MIA2: variants seen among roughly 807,000 people sequenced by gnomAD.
MIA2 encodes the protein MIA SH3 domain ER export factor 2.
A neutral mutation model predicts 167.8 loss-of-function variants in MIA2; 127 were observed. The observed-to-expected ratio is 0.76, with a 90% CI of 0.66 to 0.88. The LOEUF (loss-of-function observed/expected upper bound fraction) is 0.88. Among genes scored for constraint, MIA2 ranks in the 40% least tolerant of loss-of-function variants. The pLI, the probability that MIA2 is intolerant of heterozygous loss-of-function variation, is 0.00. For missense variants in MIA2, 1,690 were observed against 1,624.7 expected (o/e 1.04, Z -0.69); for synonymous variants, 552 against 541.9 (o/e 1.02, Z -0.26).
At chr14:39,269,840 G>GA (rs1218784644) in intron 6 of MIA2, among the ~76,000 whole-genome samples, 1 of 152,034 alleles carries the variant, frequency 6.6e-6, no homozygotes, top group Non-Finnish European at 1.5e-5. Context: ...TTTTTATGGT[G>GA]AAAAAATATT....
intron 22 of MIA2, among the ~76,000 whole-genome samples, chr14:39,318,303 G>C (rs1237923518): frequency 6.6e-6 from 1 of 152,016 alleles, no homozygotes; most frequent in African/African-American, 2.4e-5. Context: ...GGAAAGAGAA[G>C]GGGTGAATCT....
At chr14:39,367,767 CTCG>C (rs1461493355) in intron 23 of MIA2, among the ~76,000 whole-genome samples, 1 of 152,182 alleles carries the variant, frequency 6.6e-6, no homozygotes, top group Non-Finnish European at 1.5e-5. Flanking sequence ...TCAGATGCCT[CTCG>C]TCTGCTGTCT....
At chr14:39,238,190 A>T (rs9806038) in intron 2 of MIA2, among the ~76,000 whole-genome samples, 85,497 of 149,594 alleles carry the variant, frequency 0.57, 25,278 homozygotes, top group East Asian at 0.74. Flanking sequence ...TTTTTTTTTT[A>T]TTGAGACAGA....
chr14:39,273,691 A>C (rs1466476053), intron 6 of MIA2, among the ~76,000 whole-genome samples: 1 of 152,054 alleles, frequency 6.6e-6, no homozygotes, highest in Admixed American at 6.6e-5. Context: ...CCACTTGGTC[A>C]TGGTACATAA....
At chr14:39,263,935 C>T (rs2055282423) in intron 6 of MIA2, among the ~76,000 whole-genome samples, 1 of 151,974 alleles carries the variant, frequency 6.6e-6, no homozygotes, top group African/African-American at 2.4e-5. Flanking sequence ...ACGCCCAGCC[C>T]TTCCTTTCTT....
At chr14:39,270,424 C>G (rs2056935512) in intron 6 of MIA2, among the ~76,000 whole-genome samples, 1 of 152,004 alleles carries the variant, frequency 6.6e-6, no homozygotes, top group Non-Finnish European at 1.5e-5. Flanking sequence ...TGATCTCGAT[C>G]TCCTGACCTT....
chr14:39,293,167 A>G (rs1361541653), intron 10 of MIA2, 104 bp from the exon 11 acceptor site: 3 of 816,814 alleles, frequency 3.7e-6, no homozygotes, highest in South Asian at 1.6e-5. Context: ...AAATGTATAA[A>G]TGAAAGTTAT....
At chr14:39,307,448 C>G (rs560699292) in intron 17 of MIA2, among the ~76,000 whole-genome samples, 2 of 118,854 alleles carry the variant, frequency 1.7e-5, no homozygotes, top group African/African-American at 6.5e-5. Context: ...GTCATCCAGG[C>G]TGGAGTGCAG....
rs2075299011 is a variant in MIA2, at chr14:39,388,398, T to A, written c.*1446T>A. 6.6e-6 allele frequency: 1 copy of A among 152,204 alleles called. No homozygotes were observed. The highest frequency in any genetic ancestry group is 1.5e-5 in the Non-Finnish European group (1 of 68,046). 9.4% of individuals were successfully genotyped at this position (152,204 alleles called of 1,614,324 possible). ...TATCCCTTTAAGTCTAAATTTTATG[T>A]CCTTACCTGATTTCCCTCTGAAAAA... On this transcript the variant is annotated 3_prime_UTR_variant, in exon 24 of 24. Coordinates refer to the MIA2 transcript ENST00000341502. This position sits in a 1 kb window ranked among gnomAD's most constrained non-coding sequence, Gnocchi z 4.1.
chr14:39,287,876 G>A (rs899197754), intron 9 of MIA2, among the ~76,000 whole-genome samples: 6 of 151,584 alleles, frequency 4.0e-5, no homozygotes, highest in South Asian at 2.1e-4. Flanking sequence ...ACAAGGTCTC[G>A]CTTTGTTGCC....
chr14:39,337,589 C>A (rs1390863287), intron 25 of MIA2, among the ~76,000 whole-genome samples: 1 of 152,154 alleles, frequency 6.6e-6, no homozygotes, highest in Non-Finnish European at 1.5e-5. Context: ...ACAGTATGTT[C>A]TTTGATCACA....
chr14:39,277,058 T>C lies in MIA2; in HGVS notation c.2012T>C (p.Phe671Ser). 3 of 1,613,654 alleles carry C rather than the reference T, an allele frequency of 1.9e-6. No individual in the cohort carries two copies. Among genetic ancestry groups the C allele is most frequent in the Non-Finnish European group, 2.5e-6 (3 of 1,179,828 alleles). ...FAVLFFLWRS[F>S]RSVRSRLYVG... The stretch of plus-strand genomic sequence containing the variant: ...GTTCTCTTTTTTTTGTGGAGAAGTT[T>C]TAGATCGGTAAGTAACCAGTGCTAT... Residue 671 changes from phenylalanine to serine, a missense_variant, in exon 7 of 29, where the codon TTT becomes TCT. Physicochemically the swap from Phe to Ser is radical, Grantham distance 155. Coordinates refer to ENST00000640607, the MANE Select transcript of MIA2 (RefSeq NM_001329214.4).
chr14:39,386,148 A>G, intron 23 of MIA2: 3 of 1,337,886 alleles, frequency 2.2e-6, no homozygotes, highest in Non-Finnish European at 3.2e-6. Context: ...TAGAGTCTGA[A>G]ATAGGAAGAT....
intron 24 of MIA2, among the ~76,000 whole-genome samples, chr14:39,325,568 C>G (rs997493947): frequency 6.7e-6 from 1 of 150,362 alleles, no homozygotes. Context: ...GGGGTTTCAC[C>G]TTGTTAGCCA....
chr14:39,248,188 T>G, intron 4 of MIA2, 47 bp downstream of exon 4: 2 of 1,238,048 alleles, frequency 1.6e-6, no homozygotes, highest in Non-Finnish European at 2.1e-6. Flanking sequence ...TTTTTAAACA[T>G]AATTTATTTT....
chr14:39,376,169 G>T (rs183804014), intron 23 of MIA2, among the ~76,000 whole-genome samples: 1 of 152,076 alleles, frequency 6.6e-6, no homozygotes, highest in Non-Finnish European at 1.5e-5. Flanking sequence ...GTCCAGGCTG[G>T]TCTCAAACTC....
At chr14:39,321,085 T>C in intron 24 of MIA2, 29 bp downstream of exon 24, 1 of 1,583,880 alleles carries the variant, frequency 6.3e-7, no homozygotes, top group Admixed American at 2.0e-5. Flanking sequence ...TTTATTACTC[T>C]AGATTTCTTC....
intron 26 of MIA2, 136 bp downstream of exon 26, chr14:39,346,162 G>C (rs2073203822): frequency 2.8e-6 from 2 of 722,076 alleles, no homozygotes; most frequent in Non-Finnish European, 4.7e-6. Flanking sequence ...AAAATGTCCT[G>C]GTTTTATGTT....
At chr14:39,280,436 G>A (rs7143289) in intron 9 of MIA2, among the ~76,000 whole-genome samples, 141,493 of 152,084 alleles carry the variant, frequency 0.93, 65,912 homozygotes, top group East Asian at 0.96. Context: ...GTTTAACTGT[G>A]TAAGATAAGA....
Sources: gnomAD v4.1 joint callset for allele counts (sites outside exome capture counted in the v4.1 genomes callset) on GRCh38, gnomAD v4.1.1 for gene constraint, Gnocchi (gnomAD v3.1) non-coding constraint, MANE v1.5 for transcripts, NCBI Gene and HGNC (gene_info 2026-07-23, HGNC 2026-07-21) for gene names.